GPHN: variants seen among roughly 807,000 people sequenced by gnomAD.
GPHN encodes gephyrin.
In GPHN, 17 loss-of-function variants were observed where a neutral mutation model predicts 95.5. That is an observed-to-expected ratio of 0.18 (90% CI 0.12 to 0.27). The LOEUF (loss-of-function observed/expected upper bound fraction) is 0.27. Ranked by LOEUF, GPHN falls within the 10% of genes least tolerant of loss-of-function variation. The pLI is 1.00. For synonymous variants in GPHN, 320 were observed against 322.5 expected (o/e 0.99, Z 0.08); for missense variants, 660 against 978.1 (o/e 0.67, Z 4.34).
the GPHN span, among the ~76,000 whole-genome samples, chr14:67,505,600 A>G: frequency 6.6e-6 from 1 of 152,054 alleles, no homozygotes; most frequent in Non-Finnish European, 1.5e-5. Flanking sequence ...CTTCTCTGAG[A>G]TGGTCTCTTG....
chr14:67,012,327 C>G (rs1276041864), intron 9 of GPHN, among the ~76,000 whole-genome samples: 1 of 151,994 alleles, frequency 6.6e-6, no homozygotes, highest in African/African-American at 2.4e-5. Context: ...GGTAAAACTT[C>G]AATAAACAAC....
intron 2 of GPHN, among the ~76,000 whole-genome samples, chr14:66,709,969 T>C (rs2069460911): frequency 6.6e-6 from 1 of 150,644 alleles, no homozygotes; most frequent in Non-Finnish European, 1.5e-5. Flanking sequence ...AAATAATGAG[T>C]GTCCACTGCA....
the GPHN span, among the ~76,000 whole-genome samples, chr14:67,420,277 T>C: frequency 0.049 from 7,450 of 152,210 alleles, 795 homozygotes; most frequent in East Asian, 0.37. Context: ...CCTGTCTCCA[T>C]ACACCCAGCT....
chr14:66,675,703 A>G (rs2066548543), intron 1 of GPHN, among the ~76,000 whole-genome samples: 1 of 152,020 alleles, frequency 6.6e-6, no homozygotes. Flanking sequence ...GTCCTGAAGC[A>G]TTTCTTATAT....
At chr14:67,536,332 A>G in the GPHN span, among the ~76,000 whole-genome samples, 2 of 151,874 alleles carry the variant, frequency 1.3e-5, no homozygotes, top group African/African-American at 4.9e-5. Context: ...GAAACGGGAC[A>G]CAAAGCTGTT....
the GPHN span, among the ~76,000 whole-genome samples, chr14:67,622,644 A>G: frequency 6.6e-6 from 1 of 152,240 alleles, no homozygotes; most frequent in Non-Finnish European, 1.5e-5. Context: ...GTCTCTTAAA[A>G]TAGCTTGTAC....
At chr14:66,644,313 C>T (rs1444277799) in intron 1 of GPHN, among the ~76,000 whole-genome samples, 1 of 151,890 alleles carries the variant, frequency 6.6e-6, no homozygotes. Flanking sequence ...TAACATAAAC[C>T]AGTGGTTTAG....
the GPHN span, among the ~76,000 whole-genome samples, chr14:67,550,469 G>A: frequency 2.0e-5 from 3 of 152,176 alleles, no homozygotes; most frequent in Non-Finnish European, 2.9e-5. Context: ...GATTACAGGC[G>A]TGCACCACCG....
At chr14:67,561,922 T>C in the GPHN span, 2 of 1,380,884 alleles carry the variant, frequency 1.4e-6, no homozygotes, top group African/African-American at 1.4e-5. Flanking sequence ...GTAGGCTGGG[T>C]GTCCTAAATC....
At chr14:66,830,220 C>T (rs1469452324) in intron 4 of GPHN, among the ~76,000 whole-genome samples, 1 of 151,982 alleles carries the variant, frequency 6.6e-6, no homozygotes, top group Admixed American at 6.6e-5. Context: ...TCACTTTTAC[C>T]TTTGGTTCTT....
At chr14:67,595,234 G>T in the GPHN span, among the ~76,000 whole-genome samples, 2 of 152,194 alleles carry the variant, frequency 1.3e-5, no homozygotes, top group South Asian at 4.1e-4. Context: ...GTAACGTGTG[G>T]TAAATCTCAT....
intron 3 of GPHN, among the ~76,000 whole-genome samples, chr14:66,820,582 A>G (rs2061150863): frequency 6.6e-6 from 1 of 152,166 alleles, no homozygotes; most frequent in Non-Finnish European, 1.5e-5. Flanking sequence ...GAAGCTGCTT[A>G]CAATAAGAAA....
At chr14:66,992,699 C>T (rs976480019) in intron 9 of GPHN, among the ~76,000 whole-genome samples, 1 of 151,866 alleles carries the variant, frequency 6.6e-6, no homozygotes, top group Non-Finnish European at 1.5e-5. Context: ...TGAGTTAATG[C>T]GATAACTCAG....
intron 1 of GPHN, among the ~76,000 whole-genome samples, chr14:66,632,767 A>G (rs1282775303): frequency 6.6e-6 from 1 of 152,118 alleles, no homozygotes; most frequent in Non-Finnish European, 1.5e-5. Context: ...CTGGAATTAC[A>G]GGTGTGAGCC....
chr14:66,985,816 G>T, intron 9 of GPHN: 1 of 718,414 alleles, frequency 1.4e-6, no homozygotes, highest in Non-Finnish European at 2.2e-6. Flanking sequence ...GTGGTGGGAG[G>T]AAGGGGGCTT....
intron 7 of GPHN, among the ~76,000 whole-genome samples, chr14:66,923,462 A>G (rs572981897): frequency 4.0e-4 from 61 of 152,166 alleles, no homozygotes; most frequent in Admixed American, 1.0e-3. Flanking sequence ...AGTGGTAAAG[A>G]TAGGAAATGG....
chr14:66,595,992 G>T (rs2061956001), intron 1 of GPHN, among the ~76,000 whole-genome samples: 1 of 152,074 alleles, frequency 6.6e-6, no homozygotes, highest in African/African-American at 2.4e-5. Flanking sequence ...GACCCACAGT[G>T]GGTAGCTCCT....
chr14:67,487,545 C>T, the GPHN span, among the ~76,000 whole-genome samples: 54 of 152,288 alleles, frequency 3.5e-4, no homozygotes, highest in Middle Eastern at 3.4e-3. Context: ...TTCTCAAGGG[C>T]GGTCAGAACC....
chr14:67,341,045 C>T, the GPHN span, among the ~76,000 whole-genome samples: 1 of 152,356 alleles, frequency 6.6e-6, no homozygotes, highest in East Asian at 1.9e-4. Flanking sequence ...TCCCAGCCGC[C>T]TGCCTTGGCC....
Sources: allele counts gnomAD v4.1 joint callset (sites outside exome capture counted in the v4.1 genomes callset), GRCh38; gene constraint gnomAD v4.1.1; transcripts MANE v1.5; gene names NCBI Gene and HGNC (gene_info 2026-07-23, HGNC 2026-07-21).